Variants in BBS9 observed in about 807,000 individuals in gnomAD.
BBS9 encodes the protein protein PTHB1.
BBS9 carries 89 observed loss-of-function variants against 117.7 expected under a neutral mutation model. That is an observed-to-expected ratio of 0.76 (90% CI 0.64 to 0.90). The LOEUF is 0.90. Among genes scored for constraint, BBS9 ranks in the 40% least tolerant of loss-of-function variants. The pLI, the probability that BBS9 is intolerant of heterozygous loss-of-function variation, is 0.00. For missense variants in BBS9, 982 were observed against 1,042.2 expected (o/e 0.94, Z 0.80); for synonymous variants, 379 against 370.9 (o/e 1.02, Z -0.25).
At chr7:33,400,566 C>T (rs564074670) in intron 19 of BBS9, among the ~76,000 whole-genome samples, 10 of 152,234 alleles carry the variant, frequency 6.6e-5, no homozygotes, top group African/African-American at 2.4e-4. Context: ...CTTCCCTTAC[C>T]GTCATTTTCT....
intron 21 of BBS9, among the ~76,000 whole-genome samples, chr7:33,612,199 T>C (rs1864917341): frequency 1.3e-5 from 2 of 152,008 alleles, no homozygotes; most frequent in South Asian, 4.1e-4. Context: ...AAAAATTAAG[T>C]TACTCATTCC....
At chr7:33,459,691 C>T (rs1414508462) in intron 19 of BBS9, among the ~76,000 whole-genome samples, 1 of 151,968 alleles carries the variant, frequency 6.6e-6, no homozygotes, top group Non-Finnish European at 1.5e-5. Flanking sequence ...TATCTCTTGC[C>T]CCCTGCTGGA....
At chr7:33,469,971 T>C (rs1196442162) in intron 19 of BBS9, among the ~76,000 whole-genome samples, 1 of 152,240 alleles carries the variant, frequency 6.6e-6, no homozygotes, top group Non-Finnish European at 1.5e-5. Flanking sequence ...TTCTTTATTT[T>C]AATTACTATA....
chr7:33,518,544 C>T (rs1013291896), intron 20 of BBS9, among the ~76,000 whole-genome samples: 10 of 152,142 alleles, frequency 6.6e-5, no homozygotes, highest in African/African-American at 1.2e-4. Flanking sequence ...CCACCGCGCC[C>T]GGCCTATATT....
chr7:33,374,042 C>G (rs1004776595), intron 17 of BBS9, among the ~76,000 whole-genome samples: 2 of 152,138 alleles, frequency 1.3e-5, no homozygotes, highest in African/African-American at 4.8e-5. Flanking sequence ...TGTTGTGGCT[C>G]TTGTGGAGCT....
chr7:33,590,589 C>T (rs1861746441), intron 21 of BBS9, among the ~76,000 whole-genome samples: 2 of 151,020 alleles, frequency 1.3e-5, no homozygotes, highest in African/African-American at 4.9e-5. Context: ...ACCCTTTGTA[C>T]CTTCAGTTCC....
intron 20 of BBS9, among the ~76,000 whole-genome samples, chr7:33,529,715 A>T (rs975468680): frequency 6.6e-6 from 1 of 151,774 alleles, no homozygotes; most frequent in African/African-American, 2.4e-5. Flanking sequence ...CAAATTGTGG[A>T]TTTGAGGACT....
At position 33,189,223 on chromosome 7, in the gene BBS9, T is replaced by C. The variant is rs190182529; in HGVS notation, c.442+11632T>C. Among the ~76,000 whole-genome samples, 956 of 152,170 alleles carry C rather than the reference T, an allele frequency of 6.3e-3. 11 individuals carry two copies. Among genetic ancestry groups the C allele is most frequent in the African/African-American group, 0.022 (904 of 41,504 alleles). On this transcript the variant is annotated intron_variant, in intron 5 of 22. Transcript: ENST00000242067. ...TTGTAGTGACGGGGTTTTGCCATAT[T>C]GCCCAGGCTGGTCTCAAATTCCTGG...
At chr7:33,186,845 A>G (rs878925097) in intron 5 of BBS9, among the ~76,000 whole-genome samples, 2 of 152,216 alleles carry the variant, frequency 1.3e-5, no homozygotes, top group Non-Finnish European at 2.9e-5. Context: ...CTCTTGACAA[A>G]TTAATGCTTG....
chr7:33,462,975 A>C (rs2128937122), intron 19 of BBS9, among the ~76,000 whole-genome samples: 1 of 152,250 alleles, frequency 6.6e-6, no homozygotes, highest in East Asian at 1.9e-4. Flanking sequence ...TTTAGGACTT[A>C]GGACAGTAGG....
chr7:33,155,712 A>AT lies in BBS9; in HGVS notation c.328+15dup. The AT allele has an allele frequency of 1.4e-6, 2 of 1,412,194 alleles. 1 individual carries two copies. Among genetic ancestry groups the AT allele is most frequent in the Non-Finnish European group, 2.0e-6 (2 of 1,003,082 alleles). 87.5% of individuals were successfully genotyped at this position (1,412,194 alleles called of 1,614,324 possible). A position where few individuals can be genotyped will look rare whatever the true frequency, so the allele number is the denominator to read the frequency against. On this transcript the variant is annotated intron_variant, in intron 4 of 22. Transcript: ENST00000242067. ...GTCTACTCTGTCTCAGGTAAGAAAT[A>AT]TTTTTACCAATGTAGAATTTATATT...
At chr7:33,538,776 A>G (rs1851842203) in intron 21 of BBS9, among the ~76,000 whole-genome samples, 1 of 151,222 alleles carries the variant, frequency 6.6e-6, no homozygotes, top group Non-Finnish European at 1.5e-5. Context: ...TTGACATTAA[A>G]AAAAAAAAAG....
intron 19 of BBS9, among the ~76,000 whole-genome samples, chr7:33,439,919 A>G (rs546442005): frequency 4.6e-5 from 7 of 152,310 alleles, no homozygotes; most frequent in Admixed American, 1.3e-4. Flanking sequence ...CAAGGACTTG[A>G]CTGTGAGGTA....
At chr7:33,243,163 A>G (rs192473713) in intron 5 of BBS9, among the ~76,000 whole-genome samples, 25 of 152,372 alleles carry the variant, frequency 1.6e-4, no homozygotes, top group Middle Eastern at 6.8e-3. Context: ...ATGTATTCAT[A>G]GATTGCTACC....
chr7:33,443,088 G>T (rs1181586856), intron 19 of BBS9, among the ~76,000 whole-genome samples: 1 of 152,022 alleles, frequency 6.6e-6, no homozygotes, highest in Non-Finnish European at 1.5e-5. Context: ...ACTCATTTCT[G>T]TGAAAAATTA....
intron 20 of BBS9, among the ~76,000 whole-genome samples, chr7:33,527,649 G>A (rs1192708738): frequency 6.6e-6 from 1 of 152,188 alleles, no homozygotes; most frequent in Non-Finnish European, 1.5e-5. Flanking sequence ...CCACTGTCTG[G>A]CACTCCCTAG....
intron 21 of BBS9, among the ~76,000 whole-genome samples, chr7:33,543,105 C>T (rs181842463): frequency 2.0e-4 from 31 of 152,274 alleles, no homozygotes; most frequent in African/African-American, 6.3e-4. Flanking sequence ...CTGTTTACTG[C>T]ATCCACGCCA....
rs762610167 is a variant in BBS9 at position 33,384,698 on chromosome 7, CTG to C, written c.1962+877_1962+878del. ...AGTTTAGGAGTGTGTGTGCATGTGT[CTG>C]TGTGTGTGTGTGTGTGAGAGAGAGA... On this transcript the variant is annotated intron_variant, in intron 18 of 22. Transcript: ENST00000242067. Among the ~76,000 whole-genome samples the C allele has an allele frequency of 0.017, 2,388 of 144,620 alleles. 109 individuals are homozygous for C. In the East Asian group the frequency reaches 0.2, roughly 12 times the overall value. 94.9% of individuals were successfully genotyped at this position (144,620 alleles called of 152,430 possible).
chr7:33,421,555 T>C (rs1832861878), intron 19 of BBS9, among the ~76,000 whole-genome samples: 1 of 152,212 alleles, frequency 6.6e-6, no homozygotes, highest in African/African-American at 2.4e-5. Context: ...TTGATCATTT[T>C]GTACAGAACA....
Sources: gnomAD v4.1 joint callset for allele counts (sites outside exome capture counted in the v4.1 genomes callset) on GRCh38, gnomAD v4.1.1 for gene constraint, MANE v1.5 for transcripts, NCBI Gene and HGNC (gene_info 2026-07-23, HGNC 2026-07-21) for gene names.